The following ARHGEF10L variants were observed in gnomAD, a reference collection of about 807,000 sequenced individuals.
ARHGEF10L encodes rho guanine nucleotide exchange factor 10-like protein.
Under a neutral mutation model 141.2 loss-of-function variants are expected in ARHGEF10L, and 69 were observed. That is an observed-to-expected ratio of 0.49 (90% CI 0.40 to 0.60). The LOEUF (loss-of-function observed/expected upper bound fraction) is 0.60, where lower values mean the gene tolerates loss of function less well. Ranked by LOEUF, ARHGEF10L falls within the 20% of genes least tolerant of loss-of-function variation. The probability of loss-of-function intolerance (pLI) is 0.00; values close to 1 mark genes in which losing one functional copy is unlikely to be tolerated. For synonymous variants in ARHGEF10L, 711 were observed against 718.5 expected (o/e 0.99, Z 0.17); for missense variants, 1,482 against 1,734.3 (o/e 0.85, Z 2.58).
Position 17,621,425 on chromosome 1 carries a change from G to T in ARHGEF10L, c.943-439G>T, listed in dbSNP as rs1296521019. Among the ~76,000 whole-genome samples, 1 of 152,128 alleles carries T rather than the reference G, an allele frequency of 6.6e-6. No homozygotes were observed. The highest frequency in any genetic ancestry group is 1.5e-5 in the Non-Finnish European group (1 of 68,012). ...TTTTTGTATTTTTACTAGAGACAGG[G>T]TTTCACCATGTTGGCCAGGCTGGTT... is the stretch of plus-strand genomic sequence containing the variant. On this transcript the variant is annotated intron_variant, in intron 10 of 28. Transcript: ENST00000361221. The surrounding 1 kb of genome is among the most constrained non-coding windows in gnomAD (Gnocchi z 4.1).
intron 22 of ARHGEF10L, among the ~76,000 whole-genome samples, chr1:17,651,122 T>C (rs1187959780): frequency 1.3e-5 from 2 of 152,220 alleles, no homozygotes; most frequent in African/African-American, 2.4e-5. Context: ...TATTGATTTT[T>C]TTAAAGTTGC....
chr1:17,627,611 G>A lies in ARHGEF10L; in HGVS notation c.1584+108G>A, dbSNP rs986664382. Reference sequence around the variant, plus strand: ...ACACTAGGTGGCAGTGTTCTCTGAGGGAGGGGAGGCCTTGCTCTTCCAAGG... The same window carrying A: ...ACACTAGGTGGCAGTGTTCTCTGAGAGAGGGGAGGCCTTGCTCTTCCAAGG... On this transcript the variant is annotated intron_variant, in intron 15 of 28. Coordinates refer to ENST00000361221, the MANE Select transcript of ARHGEF10L (RefSeq NM_018125.4). This position sits in a 1 kb window ranked among gnomAD's most constrained non-coding sequence, Gnocchi z 4.0. The A allele has an allele frequency of 5.1e-6, 7 of 1,363,846 alleles. No individual in the cohort carries two copies. The highest frequency in any genetic ancestry group is 6.0e-6 in the Non-Finnish European group (6 of 1,007,398). 84.5% of individuals were successfully genotyped at this position (1,363,846 alleles called of 1,614,324 possible).
At position 17,619,460 on chromosome 1, in the gene ARHGEF10L, G is replaced by T. The variant is rs764973623; in HGVS notation, c.942+15G>T. ...GCCCTCAGCAGGTCTGTGGGGGAGT[G>T]GGGCAGGTGGGGGTCTGCAGGGGAA... On this transcript the variant is annotated intron_variant, in intron 10 of 28. Transcript: ENST00000361221. The surrounding 1 kb of genome is among the most constrained non-coding windows in gnomAD (Gnocchi z 5.0). 42 of 1,569,322 alleles carry T rather than the reference G, an allele frequency of 2.7e-5. No homozygotes were observed. The highest frequency in any genetic ancestry group is 3.5e-5 in the Non-Finnish European group (41 of 1,156,658).
chr1:17,594,983 T>C (rs1240365524), intron 4 of ARHGEF10L, among the ~76,000 whole-genome samples: 2 of 152,146 alleles, frequency 1.3e-5, no homozygotes, highest in African/African-American at 4.8e-5. Flanking sequence ...TGCTTAGCAT[T>C]ACCTGAGATG....
At chr1:17,560,319 G>T (rs1363510563) in intron 1 of ARHGEF10L, among the ~76,000 whole-genome samples, 1 of 152,094 alleles carries the variant, frequency 6.6e-6, no homozygotes, top group Admixed American at 6.6e-5. Context: ...TCCCTGCAAA[G>T]TCCACACTTT....
At chr1:17,570,749 G>A (rs879720299) in intron 1 of ARHGEF10L, among the ~76,000 whole-genome samples, 4 of 152,072 alleles carry the variant, frequency 2.6e-5, no homozygotes, top group Admixed American at 2.6e-4. Flanking sequence ...AGATGATGGT[G>A]GTTTGGGCCA....
At chr1:17,543,266 C>T (rs530568850) in intron 1 of ARHGEF10L, among the ~76,000 whole-genome samples, 3 of 152,278 alleles carry the variant, frequency 2.0e-5, no homozygotes, top group South Asian at 2.1e-4. Flanking sequence ...TTTTATGAGC[C>T]GGTTGTTAAA....
intron 10 of ARHGEF10L, among the ~76,000 whole-genome samples, chr1:17,620,364 G>A (rs564092846): frequency 6.6e-6 from 1 of 152,332 alleles, no homozygotes; most frequent in Admixed American, 6.5e-5. Context: ...CTGGCTGTGA[G>A]GCCACTGAGC....
At position 17,595,220 on chromosome 1, in the gene ARHGEF10L, C is replaced by CA. The variant is rs1182280745; in HGVS notation, c.257+6741_257+6742insA. 3.4e-3 allele frequency among the ~76,000 whole-genome samples: 359 copies of CA among 106,124 alleles called. 3 individuals carry two copies. The South Asian group carries it at 0.034, about 10-fold the overall frequency. 69.6% of individuals were successfully genotyped at this position (106,124 alleles called of 152,430 possible). A position where few individuals can be genotyped will look rare whatever the true frequency, so the allele number is the denominator to read the frequency against. Reference sequence around the variant, plus strand: ...TTGCACATGCTGTTTCGTGGCTCACCTTTTTTTTTTTTTTTTTTTTTTTTT... The same window carrying CA: ...TTGCACATGCTGTTTCGTGGCTCACCATTTTTTTTTTTTTTTTTTTTTTTTT... On this transcript the variant is annotated intron_variant, in intron 4 of 28. Coordinates refer to ENST00000361221, the MANE Select transcript of ARHGEF10L (RefSeq NM_018125.4).
At chr1:17,556,887 C>T (rs375663644) in intron 1 of ARHGEF10L, among the ~76,000 whole-genome samples, 10 of 152,150 alleles carry the variant, frequency 6.6e-5, no homozygotes, top group African/African-American at 1.9e-4. Flanking sequence ...CTGGGCACAG[C>T]GGCACTTGCC....
At chr1:17,586,631 G>A (rs2079045635) in intron 2 of ARHGEF10L, among the ~76,000 whole-genome samples, 1 of 152,172 alleles carries the variant, frequency 6.6e-6, no homozygotes. Context: ...AAAAGCCGCT[G>A]AGCTCCTGGT....
At chr1:17,517,767 TCTC>T in the ARHGEF10L span, among the ~76,000 whole-genome samples, 3 of 152,094 alleles carry the variant, frequency 2.0e-5, no homozygotes, top group Non-Finnish European at 2.9e-5. Context: ...TTCAAACAAT[TCTC>T]CTGCCTCAGC....
intron 14 of ARHGEF10L, among the ~76,000 whole-genome samples, chr1:17,626,251 G>A (rs934666913): frequency 1.2e-4 from 19 of 152,152 alleles, no homozygotes; most frequent in African/African-American, 4.3e-4. Context: ...ACGCCCCTCT[G>A]TGGGGGACGC....
chr1:17,622,352 C>T lies in ARHGEF10L; in HGVS notation c.1020+411C>T, dbSNP rs188737569. Among the ~76,000 whole-genome samples the T allele has an allele frequency of 2.6e-5, 4 of 152,184 alleles. No homozygotes were observed. In the East Asian group the frequency reaches 5.8e-4, roughly 22 times the overall value. On this transcript the variant is annotated intron_variant, in intron 11 of 28. Transcript: ENST00000361221. ...GCATCGAGAGGAGTAGGATCGAGTC[C>T]TCTTTTTTGCATCAGGAGGCCCAGG...
At chr1:17,581,886 G>C (rs1227690007) in intron 2 of ARHGEF10L, among the ~76,000 whole-genome samples, 5 of 138,228 alleles carry the variant, frequency 3.6e-5, no homozygotes, top group East Asian at 2.5e-4. Context: ...CTTCTTGGGC[G>C]GGGGGTGGGG....
chr1:17,575,067 G>A (rs575258759), intron 1 of ARHGEF10L, among the ~76,000 whole-genome samples: 2 of 152,214 alleles, frequency 1.3e-5, no homozygotes, highest in Admixed American at 1.3e-4. Context: ...TGGGTCCCAA[G>A]CAGGGGAAGG....
intron 7 of ARHGEF10L, among the ~76,000 whole-genome samples, chr1:17,608,929 G>A (rs568598110): frequency 9.9e-5 from 15 of 152,188 alleles, no homozygotes; most frequent in South Asian, 4.2e-4. Context: ...GATTACAGGC[G>A]TGCACCATCA....
At chr1:17,524,444 C>T in the ARHGEF10L span, among the ~76,000 whole-genome samples, 4 of 149,054 alleles carry the variant, frequency 2.7e-5, no homozygotes, top group East Asian at 6.1e-4. Context: ...TGTGGTGGCT[C>T]GCCTGTAGTC....
At chr1:17,622,894 G>A in intron 11 of ARHGEF10L, 102 bp from the exon 12 acceptor site, 1 of 1,264,980 alleles carries the variant, frequency 7.9e-7, no homozygotes, top group South Asian at 1.4e-5. Context: ...TCCCCTCCGT[G>A]CCACGGGAAG....
Sources: allele counts gnomAD v4.1 joint callset (sites outside exome capture counted in the v4.1 genomes callset), GRCh38; gene constraint gnomAD v4.1.1; non-coding constraint Gnocchi (gnomAD v3.1); transcripts MANE v1.5; gene names NCBI Gene and HGNC (gene_info 2026-07-23, HGNC 2026-07-21).